The following ZFPM2 variants were observed in gnomAD, a reference collection of about 807,000 sequenced individuals.
ZFPM2 encodes the protein zinc finger protein ZFPM2.
Under a neutral mutation model 98.6 loss-of-function variants are expected in ZFPM2, and 20 were observed. The ratio of observed to expected loss-of-function variants is 0.20; its 90% CI spans 0.14 to 0.29. ZFPM2 has a LOEUF of 0.29. Ranked by LOEUF, ZFPM2 falls within the 10% of genes least tolerant of loss-of-function variation. The probability of loss-of-function intolerance (pLI) is 1.00; values close to 1 mark genes in which losing one functional copy is unlikely to be tolerated. For synonymous variants in ZFPM2, 518 were observed against 502.7 expected (o/e 1.03, Z -0.41); for missense variants, 1,310 against 1,388.6 (o/e 0.94, Z 0.90).
At chr8:105,766,071 C>G (rs1469427946) in intron 5 of ZFPM2, among the ~76,000 whole-genome samples, 1 of 151,766 alleles carries the variant, frequency 6.6e-6, no homozygotes, top group Non-Finnish European at 1.5e-5. Context: ...TCTTTATGGC[C>G]TTTATCTTCA....
intron 3 of ZFPM2, among the ~76,000 whole-genome samples, chr8:105,457,814 C>G (rs1300168292): frequency 6.6e-6 from 1 of 152,148 alleles, no homozygotes; most frequent in African/African-American, 2.4e-5. Flanking sequence ...GCACTGTCCT[C>G]CCTGTCACTC....
intron 4 of ZFPM2, among the ~76,000 whole-genome samples, chr8:105,562,804 CT>C (rs1815168414): frequency 6.6e-6 from 1 of 152,216 alleles, no homozygotes; most frequent in Non-Finnish European, 1.5e-5. Flanking sequence ...CTGATTAACA[CT>C]CTCAATTCCA....
At chr8:105,409,420 A>C (rs1487391218) in intron 1 of ZFPM2, among the ~76,000 whole-genome samples, 1 of 151,876 alleles carries the variant, frequency 6.6e-6, no homozygotes, top group African/African-American at 2.4e-5. Flanking sequence ...GAATCATCTG[A>C]AAGAATGTTG....
At chr8:105,468,291 T>A (rs1812831900) in intron 3 of ZFPM2, among the ~76,000 whole-genome samples, 1 of 152,160 alleles carries the variant, frequency 6.6e-6, no homozygotes, top group African/African-American at 2.4e-5. Context: ...CCTTCTCTGC[T>A]CCCAAATTGC....
intron 1 of ZFPM2, among the ~76,000 whole-genome samples, chr8:105,348,458 C>G (rs1304938540): frequency 6.6e-6 from 1 of 152,104 alleles, no homozygotes; most frequent in African/African-American, 2.4e-5. Context: ...GTTTGTTTCT[C>G]TATGGGTTTT....
intron 5 of ZFPM2, among the ~76,000 whole-genome samples, chr8:105,724,585 A>G (rs1811760692): frequency 6.6e-6 from 1 of 151,900 alleles, no homozygotes; most frequent in Non-Finnish European, 1.5e-5. Context: ...TTAAGCAGAT[A>G]CTACCAACAC....
At chr8:105,434,300 A>T (rs554882902) in intron 2 of ZFPM2, among the ~76,000 whole-genome samples, 1 of 152,160 alleles carries the variant, frequency 6.6e-6, no homozygotes, top group Non-Finnish European at 1.5e-5. Flanking sequence ...TTAATTTAAC[A>T]TGACATTTCT....
chr8:105,328,960 T>C (rs1812164213), intron 1 of ZFPM2, among the ~76,000 whole-genome samples: 1 of 151,848 alleles, frequency 6.6e-6, no homozygotes, highest in African/African-American at 2.4e-5. Flanking sequence ...TATTCAAGTG[T>C]TCATTTGCAA....
intron 1 of ZFPM2, among the ~76,000 whole-genome samples, chr8:105,392,247 T>G (rs1314967094): frequency 3.3e-5 from 5 of 152,198 alleles, no homozygotes; most frequent in Non-Finnish European, 7.4e-5. Context: ...CAATCTTTAC[T>G]CTTCAAAGTT....
At chr8:105,666,264 A>T (rs1187207636) in intron 5 of ZFPM2, among the ~76,000 whole-genome samples, 2 of 152,166 alleles carry the variant, frequency 1.3e-5, no homozygotes, top group African/African-American at 4.8e-5. Flanking sequence ...GAAATTAATA[A>T]AACAATTCTT....
chr8:105,639,710 G>A (rs1816915104), intron 5 of ZFPM2, among the ~76,000 whole-genome samples: 1 of 151,928 alleles, frequency 6.6e-6, no homozygotes, highest in South Asian at 2.1e-4. Flanking sequence ...CAGTCCTTGT[G>A]GTCATAAGTC....
chr8:105,331,027 C>T (rs566601262), intron 1 of ZFPM2, among the ~76,000 whole-genome samples: 1 of 150,986 alleles, frequency 6.6e-6, no homozygotes, highest in South Asian at 2.1e-4. Context: ...TTGGTGTTCA[C>T]ACACACACAC....
chr8:105,604,535 T>C (rs1375652379), intron 4 of ZFPM2, among the ~76,000 whole-genome samples: 8 of 152,064 alleles, frequency 5.3e-5, no homozygotes, highest in African/African-American at 1.9e-4. Flanking sequence ...TGGCTCTACA[T>C]GATCTGGACT....
intron 1 of ZFPM2, among the ~76,000 whole-genome samples, chr8:105,359,969 G>A (rs368191612): frequency 4.6e-5 from 7 of 152,286 alleles, no homozygotes; most frequent in East Asian, 3.9e-4. Flanking sequence ...AATGTATGCC[G>A]TACTCAGTTT....
At chr8:105,720,434 G>A (rs1384171751) in intron 5 of ZFPM2, among the ~76,000 whole-genome samples, 3 of 151,758 alleles carry the variant, frequency 2.0e-5, no homozygotes, top group African/African-American at 7.3e-5. Context: ...AATTCTTAGT[G>A]TTCACTACTA....
chr8:105,534,113 T>A (rs1225184715), intron 3 of ZFPM2, among the ~76,000 whole-genome samples: 1 of 46,152 alleles, frequency 2.2e-5, no homozygotes. Flanking sequence ...CTCCCTTCCT[T>A]CCTCCCTTCC....
intron 5 of ZFPM2, among the ~76,000 whole-genome samples, chr8:105,642,706 A>G (rs919692007): frequency 7.9e-5 from 12 of 152,186 alleles, no homozygotes; most frequent in Admixed American, 6.6e-5. Flanking sequence ...AGTACAAATG[A>G]ATATGAGACA....
At chr8:105,800,241 A>C (rs984956578) in intron 7 of ZFPM2, among the ~76,000 whole-genome samples, 4 of 152,230 alleles carry the variant, frequency 2.6e-5, no homozygotes, top group African/African-American at 9.6e-5. Context: ...TCCAGAGTAC[A>C]GAGGGGATAA....
chr8:105,477,639 T>G (rs1020110289), intron 3 of ZFPM2, among the ~76,000 whole-genome samples: 2 of 152,106 alleles, frequency 1.3e-5, no homozygotes, highest in Non-Finnish European at 2.9e-5. Context: ...AAAAATAAAA[T>G]CCTTTTATAG....
Sources: allele counts gnomAD v4.1 joint callset (sites outside exome capture counted in the v4.1 genomes callset), GRCh38; gene constraint gnomAD v4.1.1; transcripts MANE v1.5; gene names NCBI Gene and HGNC (gene_info 2026-07-23, HGNC 2026-07-21).